AGMO: variants seen among roughly 807,000 people sequenced by gnomAD.
AGMO encodes the protein glyceryl-ether monooxygenase.
A neutral mutation model predicts 60.2 loss-of-function variants in AGMO; 75 were observed. That is an observed-to-expected ratio of 1.25 (90% CI 1.03 to 1.51). The LOEUF (loss-of-function observed/expected upper bound fraction) is 1.51. Ranked by LOEUF, AGMO falls within the 40% of genes most tolerant of loss-of-function variation. AGMO has a pLI of 0.00. For synonymous variants in AGMO, 261 were observed against 177.1 expected (o/e 1.47, Z -3.76); for missense variants, 763 against 525.5 (o/e 1.45, Z -4.42).
intron 3 of AGMO, among the ~76,000 whole-genome samples, chr7:15,525,969 C>T (rs924888326): frequency 6.6e-6 from 1 of 152,182 alleles, no homozygotes; most frequent in Admixed American, 6.5e-5. Flanking sequence ...CACGCCTAGT[C>T]CAGCCGCAAG....
Position 15,279,860 on chromosome 7 carries a change from G to A in AGMO, c.1264-78501C>T, listed in dbSNP as rs577064678. ...CTGGAACTGATTCAGAGAGCACTGGGGAATATCAAGGAAGAAGCAACAGTA... is the reference window on the plus strand; with the variant it reads ...CTGGAACTGATTCAGAGAGCACTGGAGAATATCAAGGAAGAAGCAACAGTA... On this transcript the variant is annotated intron_variant, in intron 12 of 12. Transcript: ENST00000342526. Among the ~76,000 whole-genome samples the A allele has an allele frequency of 2.8e-4, 42 of 152,234 alleles. 1 individual carries two copies. Among genetic ancestry groups the A allele is most frequent in the African/African-American group, 9.9e-4 (41 of 41,538 alleles).
the AGMO span, among the ~76,000 whole-genome samples, chr7:15,163,656 C>T: frequency 2.0e-5 from 3 of 152,034 alleles, no homozygotes; most frequent in Non-Finnish European, 4.4e-5. Context: ...ACCCTCATAT[C>T]CTTGGGATAA....
At chr7:15,316,096 T>C (rs1218315296) in intron 12 of AGMO, among the ~76,000 whole-genome samples, 1 of 152,104 alleles carries the variant, frequency 6.6e-6, no homozygotes, top group Non-Finnish European at 1.5e-5. Flanking sequence ...GCAAAGATCA[T>C]CAAAATGGCA....
intron 12 of AGMO, among the ~76,000 whole-genome samples, chr7:15,331,329 A>T (rs1392254960): frequency 6.6e-6 from 1 of 152,228 alleles, no homozygotes; most frequent in East Asian, 1.9e-4. Flanking sequence ...ACTAAGGTTT[A>T]GGATAATTTG....
At chr7:15,398,285 T>C (rs187416484) in intron 5 of AGMO, among the ~76,000 whole-genome samples, 106 of 152,324 alleles carry the variant, frequency 7.0e-4, no homozygotes, top group South Asian at 2.1e-3. Flanking sequence ...TTTTTTTTAA[T>C]GTCAAGCTCT....
At chr7:15,531,398 T>C (rs1167135472) in intron 3 of AGMO, among the ~76,000 whole-genome samples, 1 of 90,938 alleles carries the variant, frequency 1.1e-5, no homozygotes, top group Non-Finnish European at 1.9e-5. Flanking sequence ...ATATTCTATA[T>C]ATATATTCTA....
chr7:15,187,506 G>C, the AGMO span, among the ~76,000 whole-genome samples: 1 of 152,144 alleles, frequency 6.6e-6, no homozygotes, highest in South Asian at 2.1e-4. Flanking sequence ...CATCACGTTA[G>C]TCATAAAAAA....
At position 15,541,847 on chromosome 7, in the gene AGMO, T is replaced by C. The variant is rs898007602; in HGVS notation, c.409+2925A>G. 3.9e-5 allele frequency among the ~76,000 whole-genome samples: 6 copies of C among 152,186 alleles called. No individual in the cohort carries two copies. The East Asian group carries it at 1.2e-3, about 29-fold the overall frequency. Reference sequence around the variant, plus strand: ...ACATAATATATTGTTTCTTCAAAACTCACAGCATTTAACATACTAACAAAT... The same window carrying C: ...ACATAATATATTGTTTCTTCAAAACCCACAGCATTTAACATACTAACAAAT... On this transcript the variant is annotated intron_variant, in intron 3 of 12. Coordinates refer to ENST00000342526, the MANE Select transcript of AGMO (RefSeq NM_001004320.2).
intron 10 of AGMO, among the ~76,000 whole-genome samples, chr7:15,380,644 A>G (rs1421959499): frequency 6.6e-6 from 1 of 151,194 alleles, no homozygotes; most frequent in African/African-American, 2.4e-5. Context: ...AGAACTAGAC[A>G]AACATTGTCA....
intron 3 of AGMO, among the ~76,000 whole-genome samples, chr7:15,535,655 T>C (rs1010009564): frequency 6.6e-6 from 1 of 151,894 alleles, no homozygotes; most frequent in African/African-American, 2.4e-5. Flanking sequence ...AATATCTTAA[T>C]TTTTGTGGGT....
chr7:15,483,525 G>T (rs980919279), intron 3 of AGMO, among the ~76,000 whole-genome samples: 8 of 152,056 alleles, frequency 5.3e-5, no homozygotes. Flanking sequence ...GCGATAGATC[G>T]TGCTACTGCA....
chr7:15,416,713 C>T (rs28674724), intron 5 of AGMO, among the ~76,000 whole-genome samples: 12,660 of 152,170 alleles, frequency 0.083, 868 homozygotes, highest in African/African-American at 0.18. Context: ...TGATATTAAA[C>T]AGTATGCAAG....
At chr7:15,174,358 G>C in the AGMO span, among the ~76,000 whole-genome samples, 1 of 151,984 alleles carries the variant, frequency 6.6e-6, no homozygotes, top group Admixed American at 6.6e-5. Flanking sequence ...TTTTTGATCT[G>C]CATGTACTAT....
chr7:15,354,494 GTGTATATATA>G (rs1325040866), intron 12 of AGMO, among the ~76,000 whole-genome samples: 5 of 11,598 alleles, frequency 4.3e-4, no homozygotes, highest in Admixed American at 3.2e-3. Flanking sequence ...ATATACACAC[GTGTATATATA>G]TATATATATA....
chr7:15,499,904 T>TACACAC (rs1347113008), intron 3 of AGMO, among the ~76,000 whole-genome samples: 2 of 71,494 alleles, frequency 2.8e-5, no homozygotes, highest in African/African-American at 8.8e-5. Flanking sequence ...TTATATGTAT[T>TACACAC]ACGCACACAC....
At chr7:15,489,236 G>A (rs1189624106) in intron 3 of AGMO, among the ~76,000 whole-genome samples, 1 of 152,068 alleles carries the variant, frequency 6.6e-6, no homozygotes, top group Non-Finnish European at 1.5e-5. Flanking sequence ...AAACTTTGTA[G>A]AATCATGAAG....
intron 3 of AGMO, among the ~76,000 whole-genome samples, chr7:15,456,796 T>G (rs138492420): frequency 6.6e-6 from 1 of 152,296 alleles, no homozygotes; most frequent in East Asian, 1.9e-4. Flanking sequence ...CGCTACTATT[T>G]TGGGTTTCAG....
chr7:15,266,930 A>G (rs1783449329), intron 12 of AGMO, among the ~76,000 whole-genome samples: 1 of 152,144 alleles, frequency 6.6e-6, no homozygotes, highest in African/African-American at 2.4e-5. Context: ...GAAATTCCAC[A>G]GAAGAGGCAA....
intron 3 of AGMO, among the ~76,000 whole-genome samples, chr7:15,486,840 G>A (rs993070923): frequency 3.9e-5 from 6 of 152,136 alleles, no homozygotes; most frequent in African/African-American, 9.7e-5. Context: ...ATCATTTTGC[G>A]TTAAGTAGCT....
Sources: allele counts gnomAD v4.1 joint callset (sites outside exome capture counted in the v4.1 genomes callset), GRCh38; gene constraint gnomAD v4.1.1; transcripts MANE v1.5; gene names NCBI Gene and HGNC (gene_info 2026-07-23, HGNC 2026-07-21).